The following NRG3 variants were observed in gnomAD, a reference collection of about 807,000 sequenced individuals.
NRG3 encodes pro-neuregulin-3, membrane-bound isoform.
Under a neutral mutation model 66.9 loss-of-function variants are expected in NRG3, and 31 were observed. The observed-to-expected ratio is 0.46, with a 90% CI of 0.35 to 0.63. The LOEUF is 0.63. Ranked by LOEUF, NRG3 falls within the 20% of genes least tolerant of loss-of-function variation. NRG3 has a pLI of 0.00. For missense variants in NRG3, 910 were observed against 878.9 expected (o/e 1.04, Z -0.45); for synonymous variants, 393 against 359.4 (o/e 1.09, Z -1.06).
intron 2 of NRG3, among the ~76,000 whole-genome samples, chr10:82,529,156 T>C (rs549338105): frequency 6.6e-6 from 1 of 152,358 alleles, no homozygotes; most frequent in South Asian, 2.1e-4. Flanking sequence ...TCTCTCTTTG[T>C]AAGGTAGCAG....
chr10:81,988,651 G>C lies in NRG3; in HGVS notation c.823+112488G>C, dbSNP rs376937837. Among the ~76,000 whole-genome samples the C allele has an allele frequency of 1.8e-4, 27 of 152,212 alleles. 2 individuals carry two copies. The highest frequency in any genetic ancestry group is 6.3e-4 in the African/African-American group (26 of 41,532). ...GTTGCACAGTGTTATAATGGGCCCT[G>C]AGTTAGTGTTTTGTGTATAGTATTC... On this transcript the variant is annotated intron_variant, in intron 1 of 8. Coordinates refer to ENST00000372141, the MANE Select transcript of NRG3 (RefSeq NM_001010848.4).
chr10:82,162,058 T>C (rs2071642498), intron 1 of NRG3, among the ~76,000 whole-genome samples: 1 of 152,098 alleles, frequency 6.6e-6, no homozygotes, highest in African/African-American at 2.4e-5. Context: ...CAGAATGCAA[T>C]GGAAAATGAA....
chr10:82,191,261 G>A (rs779678706), intron 1 of NRG3, among the ~76,000 whole-genome samples: 1 of 152,072 alleles, frequency 6.6e-6, no homozygotes, highest in African/African-American at 2.4e-5. Context: ...ATAAAATAGG[G>A]CAAAGTTCAG....
chr10:82,545,783 C>CTTTTTT (rs1002975772), intron 2 of NRG3, among the ~76,000 whole-genome samples: 8 of 91,440 alleles, frequency 8.7e-5, no homozygotes, highest in Non-Finnish European at 1.4e-4. Context: ...AATATCAACT[C>CTTTTTT]TTTTTTTTTT....
chr10:82,243,429 C>G (rs960771506), intron 1 of NRG3, among the ~76,000 whole-genome samples: 3 of 151,702 alleles, frequency 2.0e-5, no homozygotes, highest in African/African-American at 7.3e-5. Context: ...AGTGCCCCAC[C>G]ACAATTTAAA....
At chr10:81,895,566 A>C (rs1843439063) in intron 1 of NRG3, among the ~76,000 whole-genome samples, 1 of 152,078 alleles carries the variant, frequency 6.6e-6, no homozygotes, top group Non-Finnish European at 1.5e-5. Flanking sequence ...TAGAATCAGA[A>C]TGCCTGTAAT....
At chr10:82,233,507 C>G (rs1021736621) in intron 1 of NRG3, among the ~76,000 whole-genome samples, 2 of 152,176 alleles carry the variant, frequency 1.3e-5, no homozygotes, top group South Asian at 4.1e-4. Context: ...ACAATACAGC[C>G]TTGTTCTGGG....
chr10:82,006,799 A>G (rs1272223497), intron 1 of NRG3, among the ~76,000 whole-genome samples: 1 of 152,090 alleles, frequency 6.6e-6, no homozygotes, highest in African/African-American at 2.4e-5. Flanking sequence ...TCCTGTGTCT[A>G]TTCCTTAAAC....
At chr10:82,385,458 T>C (rs772328896) in intron 2 of NRG3, among the ~76,000 whole-genome samples, 38 of 152,214 alleles carry the variant, frequency 2.5e-4, no homozygotes, top group Non-Finnish European at 4.7e-4. Context: ...ATTGTGCCAT[T>C]AATATGCAAA....
chr10:82,725,651 C>T (rs1233071157), intron 2 of NRG3, among the ~76,000 whole-genome samples: 1 of 152,112 alleles, frequency 6.6e-6, no homozygotes, highest in Non-Finnish European at 1.5e-5. Flanking sequence ...AAATAAAATA[C>T]AGTACACCTG....
intron 1 of NRG3, among the ~76,000 whole-genome samples, chr10:82,118,564 G>T (rs2067873750): frequency 6.6e-6 from 1 of 152,086 alleles, no homozygotes; most frequent in African/African-American, 2.4e-5. Context: ...AAGAGAGCCA[G>T]TCTCTTCCTA....
intron 4 of NRG3, among the ~76,000 whole-genome samples, chr10:82,879,249 A>G (rs1231135192): frequency 2.0e-5 from 3 of 152,154 alleles, no homozygotes; most frequent in Non-Finnish European, 4.4e-5. Context: ...CTCAATGAAT[A>G]CTTATGGAAA....
At chr10:82,092,631 G>A (rs1034223362) in intron 1 of NRG3, among the ~76,000 whole-genome samples, 2 of 152,142 alleles carry the variant, frequency 1.3e-5, no homozygotes, top group Admixed American at 6.5e-5. Flanking sequence ...TGTTTCTATA[G>A]CAGGAGAAGC....
At chr10:82,013,620 GT>G (rs947233432) in intron 1 of NRG3, among the ~76,000 whole-genome samples, 1 of 151,676 alleles carries the variant, frequency 6.6e-6, no homozygotes, top group African/African-American at 2.4e-5. Flanking sequence ...AACGTCGTAT[GT>G]TTTTTTTCTT....
At chr10:81,952,007 C>T (rs548004826) in intron 1 of NRG3, among the ~76,000 whole-genome samples, 1 of 149,238 alleles carries the variant, frequency 6.7e-6, no homozygotes, top group South Asian at 2.2e-4. Context: ...TCATTCTCAG[C>T]AAACTATCAC....
At chr10:82,931,789 G>C (rs1385707079) in intron 4 of NRG3, among the ~76,000 whole-genome samples, 1 of 152,160 alleles carries the variant, frequency 6.6e-6, no homozygotes, top group Non-Finnish European at 1.5e-5. Context: ...CTGAGTGCAA[G>C]AGGGAGGATG....
intron 1 of NRG3, among the ~76,000 whole-genome samples, chr10:81,985,280 A>G (rs1431129811): frequency 1.3e-5 from 2 of 152,210 alleles, no homozygotes; most frequent in South Asian, 2.1e-4. Flanking sequence ...TTCATATCCA[A>G]TATGCTTTAC....
At chr10:82,403,913 T>G (rs545604272) in intron 2 of NRG3, among the ~76,000 whole-genome samples, 38 of 152,172 alleles carry the variant, frequency 2.5e-4, no homozygotes, top group East Asian at 1.4e-3. Flanking sequence ...ACAAATTTTT[T>G]GGGGGGTTAA....
In NRG3 at chr10:82,942,270, C is replaced by G. The variant is rs992556968; in HGVS notation, c.1055-9199C>G. Among the ~76,000 whole-genome samples, 6 of 152,216 alleles carry G rather than the reference C, an allele frequency of 3.9e-5. No individual in the cohort carries two copies. In the East Asian group the frequency reaches 7.7e-4, roughly 20 times the overall value. On this transcript the variant is annotated intron_variant, in intron 4 of 8. Coordinates refer to ENST00000372141, the MANE Select transcript of NRG3 (RefSeq NM_001010848.4). ...ACCTCTGTCCTCCATACAGAGATCT[C>G]TCTGGGGAAATAGTGTAACAAGAAC...
Sources: allele counts gnomAD v4.1 joint callset (sites outside exome capture counted in the v4.1 genomes callset), GRCh38; gene constraint gnomAD v4.1.1; transcripts MANE v1.5; gene names NCBI Gene and HGNC (gene_info 2026-07-23, HGNC 2026-07-21).